Variants in FAM171B observed in about 807,000 individuals in gnomAD.
The protein encoded by FAM171B is protein FAM171B.
FAM171B carries 19 observed loss-of-function variants against 75.6 expected under a neutral mutation model. The ratio of observed to expected loss-of-function variants is 0.25; its 90% CI spans 0.18 to 0.37. FAM171B has a LOEUF of 0.37. Ranked by LOEUF, FAM171B falls within the 10% of genes least tolerant of loss-of-function variation. The pLI is 1.00. For missense variants in FAM171B, 848 were observed against 982.4 expected, an observed-to-expected ratio of 0.86 and a Z score of 1.83; for synonymous variants, 367 against 361.7, an observed-to-expected ratio of 1.01 and a Z score of -0.17.
At position 186,762,876 on chromosome 2, in the gene FAM171B, G is replaced by C. The variant is rs1182732200; in HGVS notation, c.*53G>C. On this transcript the variant is annotated 3_prime_UTR_variant, in exon 8 of 8. Transcript: ENST00000304698. The surrounding 1 kb of genome is among the most constrained non-coding windows in gnomAD (Gnocchi z 4.0). ...CTCGTGCTGTTTATTCTTGCTTCTT[G>C]TTGTAAATTGCAGTACGAACTTAAG... is the stretch of plus-strand genomic sequence containing the variant. 2 of 1,549,388 alleles carry C rather than the reference G, an allele frequency of 1.3e-6. No homozygotes were observed. The highest frequency in any genetic ancestry group is 1.4e-5 in the African/African-American group (1 of 72,768).
intron 1 of FAM171B, among the ~76,000 whole-genome samples, chr2:186,720,700 C>CAAAAAAAAA (rs71411184): frequency 2.7e-5 from 3 of 110,214 alleles, no homozygotes; most frequent in East Asian, 5.1e-4. Flanking sequence ...AGATCATGTA[C>CAAAAAAAAA]AAAAAAAAAA....
chr2:186,695,733 T>C (rs576222076), intron 1 of FAM171B, among the ~76,000 whole-genome samples: 1 of 152,310 alleles, frequency 6.6e-6, no homozygotes, highest in South Asian at 2.1e-4. Flanking sequence ...TCTTGAAAGG[T>C]ATACAGTGTA....
At chr2:186,698,427 C>G (rs1253090570) in intron 1 of FAM171B, among the ~76,000 whole-genome samples, 1 of 152,170 alleles carries the variant, frequency 6.6e-6, no homozygotes, top group East Asian at 1.9e-4. Flanking sequence ...CTATACCTGT[C>G]ACCTAGCTTT....
At chr2:186,702,030 A>G (rs1689668979) in intron 1 of FAM171B, among the ~76,000 whole-genome samples, 1 of 152,244 alleles carries the variant, frequency 6.6e-6, no homozygotes, top group Non-Finnish European at 1.5e-5. Flanking sequence ...TTGCTTTGAA[A>G]TACTTACCTG....
chr2:186,752,055 T>G (rs780746747), intron 5 of FAM171B, among the ~76,000 whole-genome samples: 1 of 152,162 alleles, frequency 6.6e-6, no homozygotes, highest in Non-Finnish European at 1.5e-5. Flanking sequence ...CCCTTCAGAC[T>G]GACAAGAAGG....
intron 2 of FAM171B, among the ~76,000 whole-genome samples, chr2:186,742,003 G>T (rs564379122): frequency 2.0e-5 from 3 of 152,096 alleles, no homozygotes; most frequent in Non-Finnish European, 2.9e-5. Flanking sequence ...GTTATGAAAA[G>T]TATCTTTTGA....
chr2:186,707,845 A>ATTTT (rs1476446573), intron 1 of FAM171B, among the ~76,000 whole-genome samples: 416 of 144,826 alleles, frequency 2.9e-3, no homozygotes, highest in African/African-American at 6.8e-3. Flanking sequence ...TTTTTTTAAA[A>ATTTT]AAAAAAAAAG....
At chr2:186,734,613 C>T (rs565874266) in intron 1 of FAM171B, among the ~76,000 whole-genome samples, 150 of 152,190 alleles carry the variant, frequency 9.9e-4, no homozygotes, top group African/African-American at 3.5e-3. Flanking sequence ...TTCAGATGGG[C>T]GGAAGTACAT....
chr2:186,694,793 A>C (rs141143168), intron 1 of FAM171B, among the ~76,000 whole-genome samples: 394 of 139,670 alleles, frequency 2.8e-3, no homozygotes, highest in African/African-American at 0.011. Context: ...ACACACACAC[A>C]CCGTTCTTAA....
At chr2:186,734,998 T>A (rs1333635646) in intron 1 of FAM171B, among the ~76,000 whole-genome samples, 1 of 152,206 alleles carries the variant, frequency 6.6e-6, no homozygotes, top group East Asian at 1.9e-4. Flanking sequence ...GGGAGCTTCC[T>A]GGGCCCCTGA....
At chr2:186,720,419 G>T (rs1045144018) in intron 1 of FAM171B, among the ~76,000 whole-genome samples, 2 of 152,000 alleles carry the variant, frequency 1.3e-5, no homozygotes, top group African/African-American at 4.8e-5. Context: ...ATACATTTTG[G>T]TGAGTCACAT....
In FAM171B at chr2:186,761,188, C is replaced by T; in HGVS notation, c.1088C>T (p.Thr363Ile). 2 of 1,612,398 alleles carry T rather than the reference C, an allele frequency of 1.2e-6. No homozygotes were observed. The highest frequency in any genetic ancestry group is 2.7e-5 in the African/African-American group (2 of 74,926). ...TTTCTTACAGCCATATTAGGAGGAA[C>T]AATAGTCATTGTCATTGGATTTTTT... ...TVFLTAILGG[T>I]IVIVIGFFAV... Residue 363 changes from threonine to isoleucine, a missense_variant, in exon 7 of 8, where the codon ACA (threonine) becomes ATA (isoleucine). By Grantham distance (89) the Thr-to-Ile change is moderately conservative. Transcript: ENST00000304698.
chr2:186,738,637 G>C (rs1690240109), intron 1 of FAM171B, among the ~76,000 whole-genome samples: 1 of 152,062 alleles, frequency 6.6e-6, no homozygotes, highest in Non-Finnish European at 1.5e-5. Flanking sequence ...GGCTTTCTTT[G>C]GCTTGAAGGT....
chr2:186,707,911 G>T (rs1689755009), intron 1 of FAM171B, among the ~76,000 whole-genome samples: 2 of 151,562 alleles, frequency 1.3e-5, no homozygotes, highest in South Asian at 4.2e-4. Flanking sequence ...ACTCTCAGAG[G>T]CATCTCCTAC....
chr2:186,718,204 A>G (rs1689900639), intron 1 of FAM171B, among the ~76,000 whole-genome samples: 1 of 150,782 alleles, frequency 6.6e-6, no homozygotes, highest in Non-Finnish European at 1.5e-5. Context: ...TGACTGTCTA[A>G]GGCCATTTTA....
Position 186,740,437 on chromosome 2 carries a change from C to CTT in FAM171B, c.448_449insTT (p.Pro150LeufsTer34). On this transcript the variant is annotated frameshift_variant, in exon 2 of 8. Transcript: ENST00000304698. LOFTEE classifies it high-confidence loss of function. ...AGATGGCTACGTGTTGACCCCTCTG[C>CTT]CTTGGAAAACCAGAAGAATGCCAAG... 6.2e-7 allele frequency: 1 copy of CTT among 1,611,572 alleles called. No homozygotes were observed. The highest frequency in any genetic ancestry group is 8.5e-7 in the Non-Finnish European group (1 of 1,178,464).
rs1559081571 is a variant in FAM171B, at chr2:186,707,846, A to ATTTT, written c.238+13435_238+13436insTTTT. Among the ~76,000 whole-genome samples the ATTTT allele has an allele frequency of 6.8e-3, 1,024 of 150,950 alleles. 14 individuals carry two copies. Among genetic ancestry groups the ATTTT allele is most frequent in the African/African-American group, 0.023 (923 of 40,700 alleles). On this transcript the variant is annotated intron_variant, in intron 1 of 7. Coordinates refer to ENST00000304698, the MANE Select transcript of FAM171B (RefSeq NM_177454.4). The stretch of plus-strand genomic sequence containing the variant: ...TAAATACCACTTTTTTTTTTTAAAA[A>ATTTT]AAAAAAAAGGTTTTTCATTGACTTT...
chr2:186,695,199 A>G (rs1484953406), intron 1 of FAM171B: 3 of 152,252 alleles, frequency 2.0e-5, no homozygotes, highest in Non-Finnish European at 4.4e-5. Context: ...GACACTGTTC[A>G]GTGAAGGTGT....
At chr2:186,715,747 T>C (rs1182824887) in intron 1 of FAM171B, among the ~76,000 whole-genome samples, 3 of 152,140 alleles carry the variant, frequency 2.0e-5, no homozygotes, top group Non-Finnish European at 2.9e-5. Context: ...GTAATAGAAA[T>C]TTTCTTTGCT....
Sources: allele counts gnomAD v4.1 joint callset (sites outside exome capture counted in the v4.1 genomes callset), GRCh38; gene constraint gnomAD v4.1.1; non-coding constraint Gnocchi (gnomAD v3.1); transcripts MANE v1.5; gene names NCBI Gene and HGNC (gene_info 2026-07-23, HGNC 2026-07-21).